ABCA5: variants seen among roughly 807,000 people sequenced by gnomAD.
ABCA5 encodes the protein ATP binding cassette subfamily A member 5.
Under a neutral mutation model 206.0 loss-of-function variants are expected in ABCA5, and 163 were observed. The observed-to-expected ratio is 0.79, with a 90% CI of 0.70 to 0.90. The LOEUF (loss-of-function observed/expected upper bound fraction) is 0.90. Among genes scored for constraint, ABCA5 ranks in the 40% least tolerant of loss-of-function variants. The pLI is 0.00. For synonymous variants in ABCA5, 609 were observed against 613.8 expected, an observed-to-expected ratio of 0.99 and a Z score of 0.11; for missense variants, 1,859 against 1,912.9, an observed-to-expected ratio of 0.97 and a Z score of 0.53.
chr17:69,252,573 C>T (rs1316700710), intron 34 of ABCA5, among the ~76,000 whole-genome samples: 1 of 152,090 alleles, frequency 6.6e-6, no homozygotes, highest in Admixed American at 6.6e-5. Context: ...CTGTGCCTCA[C>T]ACCTGTAATC....
chr17:69,272,495 T>C (rs2075283649), intron 20 of ABCA5, among the ~76,000 whole-genome samples: 1 of 152,056 alleles, frequency 6.6e-6, no homozygotes, highest in South Asian at 2.1e-4. Flanking sequence ...AGATATGATT[T>C]GAATCCAAGT....
At chr17:69,271,935 G>T (rs1167790993) in intron 20 of ABCA5, among the ~76,000 whole-genome samples, 1 of 152,096 alleles carries the variant, frequency 6.6e-6, no homozygotes, top group Non-Finnish European at 1.5e-5. Flanking sequence ...CCAAGAGTAA[G>T]ATTTTAAATC....
At chr17:69,288,760 C>G (rs867063655) in intron 14 of ABCA5, among the ~76,000 whole-genome samples, 51 of 149,506 alleles carry the variant, frequency 3.4e-4, no homozygotes, top group African/African-American at 1.2e-3. Context: ...GAAAACATGG[C>G]AGTCATAACT....
chr17:69,274,839 C>CTTTTTCTTTTT (rs2075313028), intron 19 of ABCA5, among the ~76,000 whole-genome samples: 2 of 85,752 alleles, frequency 2.3e-5, no homozygotes, highest in Non-Finnish European at 4.3e-5. Context: ...TAACCATTTA[C>CTTTTTCTTTTT]TTTTTTTTTT....
intron 7 of ABCA5, chr17:69,304,259 A>G (rs1316755765): frequency 6.5e-6 from 1 of 152,708 alleles, no homozygotes; most frequent in Middle Eastern, 3.2e-3. Context: ...TATCAAATGA[A>G]TATCAAGACT....
At chr17:69,308,403 T>C (rs1194588104) in intron 4 of ABCA5, 35 bp from the exon 5 acceptor site, 10 of 1,422,354 alleles carry the variant, frequency 7.0e-6, no homozygotes, top group South Asian at 1.2e-5. Context: ...TAAGATTCTG[T>C]ACAACATGCA....
Position 69,290,053 on chromosome 17 carries a change from A to G in ABCA5, c.1607-16T>C, listed in dbSNP as rs749337206. 6.7e-7 allele frequency: 1 copy of G among 1,488,630 alleles called. No homozygotes were observed. Among genetic ancestry groups the G allele is most frequent in the Non-Finnish European group, 9.1e-7 (1 of 1,101,954 alleles). 92.2% of individuals were successfully genotyped at this position (1,488,630 alleles called of 1,614,324 possible). On this transcript the variant is annotated splice_polypyrimidine_tract_variant and intron_variant, in intron 12 of 38. Transcript: ENST00000392676. ...GATGCAAACCCTAAAAGCAAAATAT[A>G]TATTTAAATGTACATTAATTATTTT...
intron 24 of ABCA5, 146 bp downstream of exon 24, chr17:69,264,589 C>T: frequency 2.3e-6 from 1 of 427,008 alleles, no homozygotes; most frequent in Non-Finnish European, 4.0e-6. Flanking sequence ...AAAATGATTA[C>T]ATGTATTAAA....
At chr17:69,279,119 T>C (rs1030630964) in intron 18 of ABCA5, among the ~76,000 whole-genome samples, 7 of 151,954 alleles carry the variant, frequency 4.6e-5, no homozygotes, top group Non-Finnish European at 8.8e-5. Flanking sequence ...GATGACATGA[T>C]TGTATATCTA....
chr17:69,258,293 G>A lies in ABCA5; in HGVS notation c.3731+1413C>T, dbSNP rs568231801. Among the ~76,000 whole-genome samples the A allele has an allele frequency of 5.3e-5, 8 of 152,190 alleles. No individual in the cohort carries two copies. In the South Asian group the frequency reaches 1.7e-3, roughly 32 times the overall value. ...CCTAAGAGTCCATCAACAGTTGACT[G>A]GGTGAAGAAAATATGGTACATATAC... On this transcript the variant is annotated intron_variant, in intron 28 of 38. Transcript: ENST00000392676.
At chr17:69,287,347 T>C (rs2075468407) in intron 15 of ABCA5, among the ~76,000 whole-genome samples, 1 of 152,180 alleles carries the variant, frequency 6.6e-6, no homozygotes, top group South Asian at 2.1e-4. Context: ...TAGCTTTGTA[T>C]CCTTTTGCTG....
chr17:69,310,432 C>T (rs753283953), intron 3 of ABCA5, among the ~76,000 whole-genome samples: 21 of 152,180 alleles, frequency 1.4e-4, no homozygotes, highest in Non-Finnish European at 2.9e-5. Context: ...TGAGCCAGTG[C>T]ACCTGCACAA....
intron 18 of ABCA5, among the ~76,000 whole-genome samples, chr17:69,278,104 C>A (rs1237647489): frequency 6.6e-6 from 1 of 151,954 alleles, no homozygotes; most frequent in Non-Finnish European, 1.5e-5. Flanking sequence ...TGTTCTTGTT[C>A]TACTAAGAAC....
chr17:69,287,512 G>A lies in ABCA5; in HGVS notation c.2041+101C>T, dbSNP rs1262856491. On this transcript the variant is annotated intron_variant, in intron 15 of 38. Transcript: ENST00000392676. ...TTTTTGTGAAGGAAACATACCACTA[G>A]GTAAAAGCTTCTCTATTTATACCTC... The A allele has an allele frequency of 2.8e-6, 4 of 1,407,460 alleles. No homozygotes were observed. In the East Asian group the frequency reaches 7.3e-5, roughly 26 times the overall value. The allele number at this position is 1,407,460 out of a possible 1,614,324, so 87.2% of individuals were successfully genotyped here. A position where few individuals can be genotyped will look rare whatever the true frequency, so the allele number is the denominator to read the frequency against.
intron 10 of ABCA5, among the ~76,000 whole-genome samples, chr17:69,295,577 T>C (rs2144994945): frequency 6.6e-6 from 1 of 152,288 alleles, no homozygotes; most frequent in South Asian, 2.1e-4. Context: ...GTAGTTAATA[T>C]TATGCAGCTA....
chr17:69,266,529 G>A (rs2144924774), intron 23 of ABCA5, among the ~76,000 whole-genome samples: 1 of 149,434 alleles, frequency 6.7e-6, no homozygotes, highest in Non-Finnish European at 1.5e-5. Context: ...TAACTAACCT[G>A]CACAATGTGC....
Position 69,309,379 on chromosome 17 carries a change from A to T in ABCA5, c.352T>A (p.Ser118Thr), listed in dbSNP as rs747037136. 1.9e-6 allele frequency: 3 copies of T among 1,599,154 alleles called. No individual in the cohort carries two copies. The highest frequency in any genetic ancestry group is 1.7e-4 in the Middle Eastern group (1 of 6,008). ...AAGTTGCTCGGCTTAGAGAGACTGG[A>T]TGTTAACATTTCTTTTTCATTTGTA... Reference protein sequence around the residue: ...EYTNEKEMLTSSLSKPSNFVG... With the variant: ...EYTNEKEMLTTSLSKPSNFVG... Residue 118 changes from serine (S) to threonine (T), a missense_variant, in exon 4 of 39, where the codon TCC (serine) becomes ACC (threonine). By Grantham distance (58) the Ser-to-Thr change is moderately conservative. Transcript: ENST00000392676.
intron 17 of ABCA5, 108 bp from the exon 18 acceptor site, chr17:69,284,180 G>A: frequency 1.2e-6 from 1 of 845,214 alleles, no homozygotes; most frequent in Non-Finnish European, 1.6e-6. Flanking sequence ...AACATATCAT[G>A]ACCCATCTCT....
At chr17:69,289,587 C>T (rs2075501615) in intron 13 of ABCA5, among the ~76,000 whole-genome samples, 1 of 152,012 alleles carries the variant, frequency 6.6e-6, no homozygotes, top group African/African-American at 2.4e-5. Context: ...TGTGATGGCT[C>T]TTAATGTATG....
Sources: gnomAD v4.1 joint callset for allele counts (sites outside exome capture counted in the v4.1 genomes callset) on GRCh38, gnomAD v4.1.1 for gene constraint, MANE v1.5 for transcripts, NCBI Gene and HGNC (gene_info 2026-07-23, HGNC 2026-07-21) for gene names.